Variants in CNOT1 observed in about 807,000 individuals in gnomAD.
CNOT1 encodes CCR4-associated factor 1.
Under a neutral mutation model 273.8 loss-of-function variants are expected in CNOT1, and 15 were observed. The ratio of observed to expected loss-of-function variants is 0.05; its 90% CI spans 0.04 to 0.08. The LOEUF is 0.08. Ranked by LOEUF, CNOT1 falls within the 10% of genes least tolerant of loss-of-function variation. The pLI is 1.00. For missense variants in CNOT1, 1,644 were observed against 2,912.2 expected (o/e 0.56, Z 10.02); for synonymous variants, 1,022 against 1,005.5 (o/e 1.02, Z -0.31).
intron 2 of CNOT1, 131 bp from the exon 3 acceptor site, chr16:58,589,037 G>C: frequency 3.3e-6 from 4 of 1,214,286 alleles, no homozygotes; most frequent in Non-Finnish European, 3.4e-6. Context: ...TTGAATTAAA[G>C]TTAAAGGAAT....
At chr16:58,531,301 T>C (rs548659986) in intron 42 of CNOT1, among the ~76,000 whole-genome samples, 3 of 152,346 alleles carry the variant, frequency 2.0e-5, no homozygotes, top group African/African-American at 4.8e-5. Flanking sequence ...ACATTTCTTC[T>C]GATCTGAGGG....
At position 58,555,380 on chromosome 16, in the gene CNOT1, A is replaced by G; in HGVS notation, c.2762T>C (p.Ile921Thr). The G allele has an allele frequency of 6.2e-7, 1 of 1,614,242 alleles. No homozygotes were observed. Among genetic ancestry groups the G allele is most frequent in the Non-Finnish European group, 8.5e-7 (1 of 1,180,042 alleles). The change falls in exon 21 of 49, where the codon ATT becomes ACT. Residue 921 changes from isoleucine to threonine, a missense_variant. Physicochemically the swap from Ile to Thr is moderately conservative, Grantham distance 89 (BLOSUM62 -1). Transcript: ENST00000317147. Reference protein sequence around the residue: ...HITACLFGGIIEKGLVTYMAL... With the variant: ...HITACLFGGITEKGLVTYMAL... Reference sequence around the variant, plus strand: ...CATGTAAGTGACCAGTCCTTTCTCAATTATACCACCAAATAGGCAGGCTGT... The same window carrying G: ...CATGTAAGTGACCAGTCCTTTCTCAGTTATACCACCAAATAGGCAGGCTGT...
intron 1 of CNOT1, among the ~76,000 whole-genome samples, chr16:58,599,825 C>T (rs952577995): frequency 2.0e-5 from 3 of 151,830 alleles, no homozygotes; most frequent in Non-Finnish European, 4.4e-5. Context: ...CAGCACTTTG[C>T]GAGGCCGAGG....
chr16:58,583,935 G>A (rs1431175962), intron 8 of CNOT1, among the ~76,000 whole-genome samples: 1 of 151,656 alleles, frequency 6.6e-6, no homozygotes, highest in East Asian at 2.0e-4. Flanking sequence ...TTGGGAGTCT[G>A]AGGCGGGTGG....
At chr16:58,563,078 C>G (rs570985949) in intron 16 of CNOT1, among the ~76,000 whole-genome samples, 43 of 152,178 alleles carry the variant, frequency 2.8e-4, no homozygotes, top group African/African-American at 1.0e-3. Context: ...AGTCTGAACA[C>G]AGACAACAAA....
rs141834307 is a variant in CNOT1, at chr16:58,592,950, C to T, written c.103-4044G>A. Among the ~76,000 whole-genome samples the T allele has an allele frequency of 5.2e-3, 790 of 152,202 alleles. 5 individuals carry two copies. The highest frequency in any genetic ancestry group is 7.4e-3 in the Non-Finnish European group (500 of 68,016). ...CAGAAGAGGAGGCGGCAACCATTAC[C>T]AAAGCTGAAAACAGAAAGGGGAGAC... On this transcript the variant is annotated intron_variant, in intron 2 of 48. Transcript: ENST00000317147.
Position 58,586,554 on chromosome 16 carries a change from G to A in CNOT1, c.628C>T (p.Leu210=). 1 of 1,610,596 alleles carries A rather than the reference G, an allele frequency of 6.2e-7. No individual in the cohort carries two copies. The highest frequency in any genetic ancestry group is 1.1e-5 in the South Asian group (1 of 90,928). ...QEQIDAFLKT[L]RRDFPQERCP... Reference sequence around the variant, plus strand: ...ACAAAGACTCCCTTACCTCTGCGCAGCGTCTTAAGAAAAGCGTCTATCTGT... The same window carrying A: ...ACAAAGACTCCCTTACCTCTGCGCAACGTCTTAAGAAAAGCGTCTATCTGT... The change falls in exon 7 of 49, where the codon CTG becomes TTG. Residue 210 remains leucine (L), a synonymous_variant. Transcript: ENST00000317147.
intron 1 of CNOT1, among the ~76,000 whole-genome samples, chr16:58,615,593 A>G (rs1490837165): frequency 8.0e-6 from 1 of 125,770 alleles, no homozygotes; most frequent in Admixed American, 7.9e-5. Context: ...AAATTATTTG[A>G]GGAAGAAATA....
intron 1 of CNOT1, among the ~76,000 whole-genome samples, chr16:58,621,552 C>T (rs950392699): frequency 6.6e-6 from 1 of 151,160 alleles, no homozygotes; most frequent in African/African-American, 2.4e-5. Flanking sequence ...GGATTACAGG[C>T]ATGAGCCACC....
In CNOT1 at chr16:58,562,959, GA is replaced by G. The variant is rs1434029470; in HGVS notation, c.1980-2598del. ...AAGAAAGCTGTTTCACATTTGGGGG[GA>G]AAAAATAAGACTAGGGTGCTAACAG... On this transcript the variant is annotated intron_variant, in intron 16 of 48. Coordinates refer to ENST00000317147, the MANE Select transcript of CNOT1 (RefSeq NM_016284.5). 3.3e-5 allele frequency among the ~76,000 whole-genome samples: 5 copies of G among 152,180 alleles called. No individual in the cohort carries two copies. The South Asian group carries it at 6.2e-4, about 19-fold the overall frequency.
At chr16:58,551,969 A>G (rs559102784) in intron 22 of CNOT1, 150 bp from the exon 23 acceptor site, 133 of 952,540 alleles carry the variant, frequency 1.4e-4, no homozygotes, top group Middle Eastern at 6.8e-4. Context: ...TGGCACTAAT[A>G]CATAAGTAGA....
chr16:58,520,733 T>C lies in CNOT1; in HGVS notation c.*225A>G. Reference sequence around the variant, plus strand: ...GTATTTACACAAGTTCAAAATGATATTCACAGCATCTTCTAAATTTTGGCC... The same window carrying C: ...GTATTTACACAAGTTCAAAATGATACTCACAGCATCTTCTAAATTTTGGCC... On this transcript the variant is annotated 3_prime_UTR_variant, in exon 49 of 49. Transcript: ENST00000317147. 2 of 560,366 alleles carry C rather than the reference T, an allele frequency of 3.6e-6. No homozygotes were observed. The highest frequency in any genetic ancestry group is 4.5e-5 in the South Asian group (2 of 44,096). 34.7% of individuals were successfully genotyped at this position (560,366 alleles called of 1,614,324 possible).
intron 22 of CNOT1, 91 bp from the exon 23 acceptor site, chr16:58,551,910 T>C: frequency 6.6e-7 from 1 of 1,524,332 alleles, no homozygotes; most frequent in Non-Finnish European, 8.9e-7. Context: ...AAAACATGTC[T>C]GAGTGCTCTT....
chr16:58,562,608 G>A (rs2040897046), intron 16 of CNOT1, among the ~76,000 whole-genome samples: 1 of 151,962 alleles, frequency 6.6e-6, no homozygotes, highest in African/African-American at 2.4e-5. Context: ...CGGATCACAA[G>A]GTCAGGAGTT....
intron 1 of CNOT1, among the ~76,000 whole-genome samples, chr16:58,619,403 T>C (rs1487352563): frequency 3.3e-5 from 5 of 151,954 alleles, no homozygotes; most frequent in Non-Finnish European, 7.4e-5. Flanking sequence ...GAGCATCTTT[T>C]GGTCACACTA....
At chr16:58,546,827 A>G (rs897105982) in intron 27 of CNOT1, 78 bp from the exon 28 acceptor site, 1 of 1,568,922 alleles carries the variant, frequency 6.4e-7, no homozygotes, top group African/African-American at 1.4e-5. Context: ...TCAATACAAC[A>G]TAAGGGGGTA....
In CNOT1 at chr16:58,571,776, G is replaced by A. The variant is rs1301716838; in HGVS notation, c.1979+2833C>T. ...GTGGATCACTTGAGGTCAGGAGTTT[G>A]AGACCAGCCAGGCCAACATGGTGAA... On this transcript the variant is annotated intron_variant, in intron 16 of 48. Transcript: ENST00000317147. 2.6e-5 allele frequency among the ~76,000 whole-genome samples: 4 copies of A among 152,182 alleles called. No homozygotes were observed. In the East Asian group the frequency reaches 7.8e-4, roughly 30 times the overall value.
chr16:58,588,950 CAAAA>C (rs74264112), intron 2 of CNOT1, 44 bp from the exon 3 acceptor site: 1 of 806,358 alleles, frequency 1.2e-6, no homozygotes, highest in East Asian at 5.2e-5. Context: ...GAAGATAAAA[CAAAA>C]AAAAAAAGTA....
intron 43 of CNOT1, among the ~76,000 whole-genome samples, chr16:58,529,403 T>G (rs1264727764): frequency 6.6e-6 from 1 of 151,978 alleles, no homozygotes; most frequent in Non-Finnish European, 1.5e-5. Flanking sequence ...GAATATATAG[T>G]AACAACAAAG....
Sources: allele counts gnomAD v4.1 joint callset (sites outside exome capture counted in the v4.1 genomes callset), GRCh38; gene constraint gnomAD v4.1.1; transcripts MANE v1.5; gene names NCBI Gene and HGNC (gene_info 2026-07-23, HGNC 2026-07-21).